Variants in COPS2 observed in about 807,000 individuals in gnomAD.
The protein encoded by COPS2 is COP9 signalosome complex subunit 2.
In COPS2, 10 loss-of-function variants were observed where a neutral mutation model predicts 66.1. That is an observed-to-expected ratio of 0.15 (90% confidence interval 0.09 to 0.26). COPS2 has a LOEUF of 0.26. Ranked by LOEUF, COPS2 falls within the 10% of genes least tolerant of loss-of-function variation. COPS2 has a pLI of 1.00. For synonymous variants in COPS2, 179 were observed against 171.3 expected, an observed-to-expected ratio of 1.04 and a Z score of -0.35; for missense variants, 215 against 513.3, an observed-to-expected ratio of 0.42 and a Z score of 5.62.
intron 4 of COPS2, among the ~76,000 whole-genome samples, chr15:49,138,364 T>A (rs919775810): frequency 6.6e-6 from 1 of 152,154 alleles, no homozygotes; most frequent in Non-Finnish European, 1.5e-5. Flanking sequence ...GCATATTGAA[T>A]AGAACAGAGT....
At chr15:49,152,129 G>A in intron 1 of COPS2, among the ~76,000 whole-genome samples, 1 of 143,242 alleles carries the variant, frequency 7.0e-6, no homozygotes, top group African/African-American at 2.6e-5. Context: ...AATAAATCTT[G>A]AGAAAACAAG....
intron 9 of COPS2, among the ~76,000 whole-genome samples, chr15:49,132,083 G>T (rs1483702070): frequency 1.3e-5 from 2 of 152,046 alleles, no homozygotes; most frequent in African/African-American, 4.8e-5. Flanking sequence ...AATGTCTAGG[G>T]TAAAGCTTTT....
At position 49,137,337 on chromosome 15, in the gene COPS2, A is replaced by T; in HGVS notation, c.462+11T>A. On this transcript the variant is annotated intron_variant, in intron 5 of 12. Transcript: ENST00000388901. ...TTTTCAAAAGAAAAGTGTAAGTATT[A>T]TAACGGTTACCTTTGTGTTTGTCTT... 6.3e-7 allele frequency: 1 copy of T among 1,590,712 alleles called. No homozygotes were observed. Among genetic ancestry groups the T allele is most frequent in the Non-Finnish European group, 8.6e-7 (1 of 1,160,110 alleles).
chr15:49,134,580 C>A, intron 6 of COPS2, 66 bp from the exon 7 acceptor site: 4 of 1,260,130 alleles, frequency 3.2e-6, no homozygotes, highest in Non-Finnish European at 4.4e-6. Flanking sequence ...TTTGCATTAG[C>A]CTGGAAATCT....
At position 49,128,752 on chromosome 15, in the gene COPS2, G is replaced by A. The variant is rs1452680684; in HGVS notation, c.1137C>T (p.Asn379=). ...IHIPFISKEL[N]IDVADVESLL... is the part of the protein sequence containing the mutation. ...AGCTCTCCACATCAGCTACATCTAT[G>A]TTTAACTCCTAAGACAAAAGACTTG... Residue 379 remains asparagine, a synonymous_variant, in exon 12 of 13, where the codon AAC becomes AAT. Coordinates refer to ENST00000388901, the MANE Select transcript of COPS2 (RefSeq NM_004236.4). The A allele has an allele frequency of 6.2e-7, 1 of 1,605,086 alleles. No individual in the cohort carries two copies. Among genetic ancestry groups the A allele is most frequent in the Non-Finnish European group, 8.5e-7 (1 of 1,173,416 alleles).
At chr15:49,139,148 A>C (rs761863515) in intron 4 of COPS2, 2 of 158,634 alleles carry the variant, frequency 1.3e-5, no homozygotes, top group Non-Finnish European at 2.8e-5. Flanking sequence ...CAAAGATTTT[A>C]ATATAACCAA....
At chr15:49,147,646 T>C (rs1037176773) in intron 1 of COPS2, among the ~76,000 whole-genome samples, 16 of 144,442 alleles carry the variant, frequency 1.1e-4, no homozygotes, top group African/African-American at 3.1e-4. Context: ...GGAATACTTA[T>C]AATAAGAGTA....
chr15:49,155,564 C>T lies in COPS2; in HGVS notation c.15G>A (p.Glu5=), dbSNP rs778927689. 3 of 1,614,188 alleles carry T rather than the reference C, an allele frequency of 1.9e-6. No homozygotes were observed. Among genetic ancestry groups the T allele is most frequent in the Admixed American group, 3.3e-5 (2 of 60,030 alleles). Residue 5 remains glutamate, a synonymous_variant, in exon 1 of 13, where the codon GAG becomes GAA. Coordinates refer to ENST00000388901, the MANE Select transcript of COPS2 (RefSeq NM_004236.4). ...CCTCATCATCGCACATGAAATCATC[C>T]TCCATGTCAGACATCTTGGCCGGGA... MSDM[E]DDFMCDDEED...
chr15:49,151,322 C>T (rs1158422682), intron 1 of COPS2, among the ~76,000 whole-genome samples: 1 of 151,430 alleles, frequency 6.6e-6, no homozygotes, highest in East Asian at 1.9e-4. Flanking sequence ...ATTGCTTGAA[C>T]CCAGAAGGTG....
chr15:49,129,382 G>T, intron 11 of COPS2, 95 bp downstream of exon 11: 3 of 428,990 alleles, frequency 7.0e-6, no homozygotes, highest in East Asian at 4.0e-5. Context: ...ATAATAAAAT[G>T]TTACCAAGTT....
intron 8 of COPS2, 45 bp from the exon 9 acceptor site, chr15:49,133,856 A>C: frequency 6.5e-7 from 1 of 1,544,718 alleles, no homozygotes; most frequent in African/African-American, 1.4e-5. Context: ...ACAAAGAAAC[A>C]ACATTTTAAA....
Position 49,127,821 on chromosome 15 carries a change from G to A in COPS2, c.*129C>T, listed in dbSNP as rs2084179056. ...AAACACAAACCAGTTGATCAAAAAAGCACTTCTGCCATAACTCCAATAATT... is the reference window on the plus strand; with the variant it reads ...AAACACAAACCAGTTGATCAAAAAAACACTTCTGCCATAACTCCAATAATT... On this transcript the variant is annotated 3_prime_UTR_variant, in exon 13 of 13. Transcript: ENST00000388901. 5.2e-6 allele frequency: 5 copies of A among 960,148 alleles called. No homozygotes were observed. Among genetic ancestry groups the A allele is most frequent in the East Asian group, 2.6e-5 (1 of 38,870 alleles). The allele number at this position is 960,148 out of a possible 1,614,324, so 59.5% of individuals were successfully genotyped here. A position where few individuals can be genotyped will look rare whatever the true frequency, so the allele number is the denominator to read the frequency against.
intron 1 of COPS2, among the ~76,000 whole-genome samples, chr15:49,150,917 A>T (rs1024220079): frequency 1.3e-5 from 2 of 152,196 alleles, no homozygotes; most frequent in African/African-American, 4.8e-5. Context: ...GTTAAAAAAA[A>T]TAAATAAAAC....
At chr15:49,145,350 T>G (rs192240541) in intron 1 of COPS2, among the ~76,000 whole-genome samples, 19 of 152,268 alleles carry the variant, frequency 1.2e-4, no homozygotes, top group Non-Finnish European at 2.4e-4. Flanking sequence ...AGAATCAACA[T>G]AAAAGAAGAA....
At chr15:49,137,125 T>C in intron 6 of COPS2, 25 bp downstream of exon 6, 1 of 1,463,004 alleles carries the variant, frequency 6.8e-7, no homozygotes, top group African/African-American at 1.4e-5. Context: ...GAAGAAATAT[T>C]CAGAAAAAAA....
Position 49,126,995 on chromosome 15 carries a change from T to C in COPS2, c.*955A>G, listed in dbSNP as rs1420384619. On this transcript the variant is annotated 3_prime_UTR_variant, in exon 13 of 13. Transcript: ENST00000388901. ...GGCATTAGGAAATAACCTTCCAGCA[T>C]GATCACTATGCAGAGTAACATTCAT... 3.3e-5 allele frequency: 5 copies of C among 152,266 alleles called. No homozygotes were observed. In the East Asian group the frequency reaches 9.6e-4, roughly 29 times the overall value. 9.4% of individuals were successfully genotyped at this position (152,266 alleles called of 1,614,324 possible). A position where few individuals can be genotyped will look rare whatever the true frequency, so the allele number is the denominator to read the frequency against.
intron 1 of COPS2, among the ~76,000 whole-genome samples, chr15:49,154,094 C>G (rs1355414802): frequency 6.6e-6 from 1 of 151,876 alleles, no homozygotes; most frequent in Non-Finnish European, 1.5e-5. Flanking sequence ...TCCTAAATAC[C>G]GACTTGATCA....
At chr15:49,142,004 G>A (rs1207508890) in intron 3 of COPS2, among the ~76,000 whole-genome samples, 2 of 152,104 alleles carry the variant, frequency 1.3e-5, no homozygotes, top group Non-Finnish European at 2.9e-5. Flanking sequence ...GCCCCTAATG[G>A]CACTATAATT....
At chr15:49,137,670 T>G in intron 4 of COPS2, 1 of 446,578 alleles carries the variant, frequency 2.2e-6, no homozygotes, top group Non-Finnish European at 4.0e-6. Context: ...TATTTCCCCA[T>G]ATAAACATAG....
Sources: gnomAD v4.1 joint callset for allele counts (sites outside exome capture counted in the v4.1 genomes callset) on GRCh38, gnomAD v4.1.1 for gene constraint, MANE v1.5 for transcripts, NCBI Gene and HGNC (gene_info 2026-07-23, HGNC 2026-07-21) for gene names.